PKD1L3: variants seen among roughly 807,000 people sequenced by gnomAD.
PKD1L3 encodes the protein polycystin-1-like protein 3.
Under a neutral mutation model 184.1 loss-of-function variants are expected in PKD1L3, and 239 were observed. The ratio of observed to expected loss-of-function variants is 1.30; its 90% CI spans 1.17 to 1.45. PKD1L3 has a LOEUF of 1.45. Among genes scored for constraint, PKD1L3 ranks in the 40% most tolerant of loss-of-function variants. PKD1L3 has a pLI of 0.00. For synonymous variants in PKD1L3, 996 were observed against 778.8 expected, an observed-to-expected ratio of 1.28 and a Z score of -4.64; for missense variants, 2,660 against 2,067.2, an observed-to-expected ratio of 1.29 and a Z score of -5.56.
chr16:71,985,566 G>A (rs2040326122), intron 5 of PKD1L3, among the ~76,000 whole-genome samples: 1 of 152,028 alleles, frequency 6.6e-6, no homozygotes, highest in African/African-American at 2.4e-5. Flanking sequence ...CAAGTAGCTG[G>A]GACTACAGGC....
chr16:71,989,575 G>A (rs577015172), intron 4 of PKD1L3, among the ~76,000 whole-genome samples: 1 of 152,362 alleles, frequency 6.6e-6, no homozygotes, highest in Admixed American at 6.5e-5. Flanking sequence ...CAAGAATGCT[G>A]AGAGATTTCT....
At chr16:71,993,906 C>T (rs2040687683) in intron 2 of PKD1L3, among the ~76,000 whole-genome samples, 1 of 152,258 alleles carries the variant, frequency 6.6e-6, no homozygotes, top group Middle Eastern at 3.4e-3. Flanking sequence ...TCCCGAGTAG[C>T]TGGGATTACA....
intron 16 of PKD1L3, among the ~76,000 whole-genome samples, chr16:71,956,823 C>G (rs1180986073): frequency 6.6e-6 from 1 of 151,892 alleles, no homozygotes; most frequent in South Asian, 2.1e-4. Context: ...GTGTTTTTAC[C>G]GTAATTTTAA....
chr16:71,954,392 T>C (rs1166124968), intron 16 of PKD1L3, 91 bp from the exon 17 acceptor site: 17 of 965,064 alleles, frequency 1.8e-5, no homozygotes, highest in Admixed American at 1.2e-4. Flanking sequence ...ACAAGCGACA[T>C]AGCAACTCCC....
At chr16:71,990,577 C>CATAATA (rs909797450) in intron 3 of PKD1L3, among the ~76,000 whole-genome samples, 3 of 151,822 alleles carry the variant, frequency 2.0e-5, no homozygotes, top group African/African-American at 7.3e-5. Flanking sequence ...CTACTAAAAA[C>CATAATA]ATAATAATTA....
In PKD1L3 at chr16:71,969,919, T is replaced by C. The variant is rs1381006933; in HGVS notation, c.2140A>G (p.Thr714Ala). 30 of 1,551,976 alleles carry C rather than the reference T, an allele frequency of 1.9e-5. No individual in the cohort carries two copies. The highest frequency in any genetic ancestry group is 2.7e-5 in the African/African-American group (2 of 73,038). Reference protein sequence around the residue: ...LASLLGFYVITVVWARKKDQA... With the variant: ...LASLLGFYVIAVVWARKKDQA... ...TCCTTTTTCCGAGCCCACACAACTG[T>C]GATCACATAAAATCCTAAAAGGCTG... is the stretch of plus-strand genomic sequence containing the variant. The change falls in exon 13 of 30, where the codon ACA (threonine) becomes GCA (alanine). Residue 714 changes from threonine (T) to alanine (A), a missense_variant. Thr to Ala is a moderately conservative substitution (Grantham distance 58). Transcript: ENST00000620267.
intron 7 of PKD1L3, among the ~76,000 whole-genome samples, chr16:71,981,738 G>A (rs1199243370): frequency 2.0e-5 from 3 of 151,758 alleles, no homozygotes; most frequent in Non-Finnish European, 2.9e-5. Context: ...ATGCAGTTTC[G>A]CCATGTGGGC....
In PKD1L3 at chr16:71,945,266, C is replaced by CTATATA. The variant is rs60469321; in HGVS notation, c.3719-1102_3719-1097dup. Among the ~76,000 whole-genome samples the CTATATA allele has an allele frequency of 4.1e-3, 265 of 63,862 alleles. 1 individual carries two copies. Among genetic ancestry groups the CTATATA allele is most frequent in the Middle Eastern group, 9.6e-3 (1 of 104 alleles). 41.9% of individuals were successfully genotyped at this position (63,862 alleles called of 152,430 possible). ...AGGCCTAAGATTCTGAATTTCTTAA[C>CTATATA]TATATATATATATATATATATATAT... On this transcript the variant is annotated intron_variant, in intron 22 of 29. Transcript: ENST00000620267.
intron 23 of PKD1L3, among the ~76,000 whole-genome samples, 166 bp from the exon 24 acceptor site, chr16:71,943,190 T>C (rs2038422792): frequency 6.6e-6 from 1 of 152,090 alleles, no homozygotes; most frequent in Admixed American, 6.6e-5. Flanking sequence ...TACATACACA[T>C]TTCCTTCCCA....
intron 21 of PKD1L3, among the ~76,000 whole-genome samples, chr16:71,949,106 G>A (rs1183944955): frequency 6.6e-6 from 1 of 152,126 alleles, no homozygotes; most frequent in African/African-American, 2.4e-5. Flanking sequence ...GGTTATTGTT[G>A]AAGCTGGGTG....
rs376793362 is a variant in PKD1L3, at chr16:71,929,626, C to G, written c.5111G>C (p.Gly1704Ala). Residue 1704 changes from glycine (G) to alanine (A), a missense_variant, in exon 30 of 30, where the codon GGA becomes GCA. Transcript: ENST00000620267. ...TGAGGTTTTTTGGGGCCAACTGATT[C>G]CTAACAAATTTGAGAGCTTCTGTAG... ...TLLQKLSNLL[G>A]ISWPQKTSSE... 20 of 1,551,598 alleles carry G rather than the reference C, an allele frequency of 1.3e-5. No homozygotes were observed. The highest frequency in any genetic ancestry group is 9.8e-5 in the East Asian group (4 of 40,932).
intron 5 of PKD1L3, 38 bp downstream of exon 5, chr16:71,986,183 T>A: frequency 6.5e-7 from 1 of 1,546,198 alleles, no homozygotes; most frequent in Non-Finnish European, 8.7e-7. Flanking sequence ...TTTTTGGGGG[T>A]CACAAAGCTA....
chr16:71,953,019 G>T lies in PKD1L3; in HGVS notation c.2884C>A (p.Leu962Ile). ...AACGGGAAGAGCCGCCCTATGACAA[G>T]ATTGATTGGGAAGAGGATGACAGCA... ...HTAVILFPIN[L>I]VIGRLFPLIE... Residue 962 changes from leucine (L) to isoleucine (I), a missense_variant, in exon 18 of 30, where the codon CTT (leucine) becomes ATT (isoleucine). Physicochemically the swap from Leu to Ile is conservative, Grantham distance 5. Transcript: ENST00000620267. The T allele has an allele frequency of 6.5e-7, 1 of 1,549,246 alleles. No individual in the cohort carries two copies. The highest frequency in any genetic ancestry group is 8.7e-7 in the Non-Finnish European group (1 of 1,146,052).
At chr16:71,936,459 T>C (rs1055409187) in intron 25 of PKD1L3, among the ~76,000 whole-genome samples, 3 of 151,092 alleles carry the variant, frequency 2.0e-5, no homozygotes, top group Admixed American at 1.3e-4. Context: ...CATCTTGGCC[T>C]CCCAAAATGT....
chr16:71,990,626 C>A (rs376869117), intron 3 of PKD1L3, among the ~76,000 whole-genome samples: 2 of 151,658 alleles, frequency 1.3e-5, no homozygotes, highest in African/African-American at 4.9e-5. Flanking sequence ...CCCAGCTACT[C>A]GGGAGGCTGA....
At position 71,977,565 on chromosome 16, in the gene PKD1L3, T is replaced by C. The variant is rs1244897504; in HGVS notation, c.1528-98A>G. 2.6e-3 allele frequency: 2,232 copies of C among 867,112 alleles called. 16 individuals carry two copies. The highest frequency in any genetic ancestry group is 3.4e-3 in the Middle Eastern group (11 of 3,262). The allele number at this position is 867,112 out of a possible 1,614,324, so 53.7% of individuals were successfully genotyped here. On this transcript the variant is annotated intron_variant, in intron 10 of 29. Transcript: ENST00000620267. ...GGTAAGGAAACGTCCTAGCTCTTTT[T>C]TTTTTTTTTTTTTTTGAGATGGGGT...
At chr16:71,987,866 G>A (rs990872402) in intron 4 of PKD1L3, among the ~76,000 whole-genome samples, 6 of 152,060 alleles carry the variant, frequency 3.9e-5, no homozygotes, top group East Asian at 3.9e-4. Context: ...GGTTAGTGAC[G>A]GTATGTGAGG....
At chr16:71,973,664 T>C (rs2039807150) in intron 11 of PKD1L3, 147 bp from the exon 12 acceptor site, 7 of 801,468 alleles carry the variant, frequency 8.7e-6, no homozygotes, top group Non-Finnish European at 1.3e-5. Context: ...AAATGACCAG[T>C]GATACAACCC....
At chr16:71,996,314 T>G (rs1205061413) in intron 2 of PKD1L3, among the ~76,000 whole-genome samples, 2 of 134,118 alleles carry the variant, frequency 1.5e-5, no homozygotes, top group African/African-American at 2.8e-5. Context: ...CAGGCTAGAG[T>G]GCAGTGGCGC....
Sources: allele counts gnomAD v4.1 joint callset (sites outside exome capture counted in the v4.1 genomes callset), GRCh38; gene constraint gnomAD v4.1.1; transcripts MANE v1.5; gene names NCBI Gene and HGNC (gene_info 2026-07-23, HGNC 2026-07-21).